Variants in GPR176 observed in about 807,000 individuals in gnomAD.
The protein encoded by GPR176 is G-protein coupled receptor 176.
Under a neutral mutation model 35.4 loss-of-function variants are expected in GPR176, and 26 were observed. That is an observed-to-expected ratio of 0.74 (90% CI 0.54 to 1.02). GPR176 has a LOEUF of 1.02. Among genes scored for constraint, GPR176 ranks in the 50% least tolerant of loss-of-function variants. The probability of loss-of-function intolerance (pLI) is 0.00; values close to 1 mark genes in which losing one functional copy is unlikely to be tolerated. For missense variants in GPR176, 597 were observed against 665.3 expected (o/e 0.90, Z 1.13); for synonymous variants, 278 against 271.3 (o/e 1.02, Z -0.24).
chr15:39,893,754 C>G (rs557472305), intron 1 of GPR176, among the ~76,000 whole-genome samples: 1 of 147,116 alleles, frequency 6.8e-6, no homozygotes, highest in Non-Finnish European at 1.5e-5. Context: ...ACCTCCCTCC[C>G]GGGCGGGGCG....
intron 1 of GPR176, among the ~76,000 whole-genome samples, chr15:39,826,772 G>A (rs554315542): frequency 6.6e-6 from 1 of 152,238 alleles, no homozygotes; most frequent in South Asian, 2.1e-4. Flanking sequence ...AAGCCAGAGG[G>A]GGCCTGAAAA....
chr15:39,890,790 G>A, intron 1 of GPR176, among the ~76,000 whole-genome samples: 1 of 152,168 alleles, frequency 6.6e-6, no homozygotes, highest in South Asian at 2.1e-4. Context: ...ATGGCTCTGG[G>A]CCTGGTAATG....
At chr15:39,856,207 A>T (rs1286104956) in intron 1 of GPR176, among the ~76,000 whole-genome samples, 31 of 152,232 alleles carry the variant, frequency 2.0e-4, no homozygotes, top group Non-Finnish European at 1.3e-4. Flanking sequence ...AACAAAGCAC[A>T]TTCTGACAAT....
intron 1 of GPR176, among the ~76,000 whole-genome samples, chr15:39,822,970 C>A (rs1900377731): frequency 6.6e-6 from 1 of 152,200 alleles, no homozygotes; most frequent in African/African-American, 2.4e-5. Flanking sequence ...ATGACCTTAA[C>A]CAGATCATTC....
chr15:39,831,432 TC>T (rs1433974416), intron 1 of GPR176, among the ~76,000 whole-genome samples: 1 of 152,040 alleles, frequency 6.6e-6, no homozygotes. Context: ...ACAACCCATT[TC>T]CCCATGGATG....
intron 2 of GPR176, among the ~76,000 whole-genome samples, chr15:39,804,089 C>T (rs1002305214): frequency 3.9e-5 from 6 of 152,174 alleles, no homozygotes; most frequent in South Asian, 2.1e-4. Flanking sequence ...AGTTCACTGG[C>T]TCTGACTGCC....
At chr15:39,848,247 T>C (rs980666558) in intron 1 of GPR176, among the ~76,000 whole-genome samples, 1 of 152,196 alleles carries the variant, frequency 6.6e-6, no homozygotes, top group East Asian at 1.9e-4. Flanking sequence ...TATATAGTGA[T>C]AAAAGGGTCA....
intron 1 of GPR176, among the ~76,000 whole-genome samples, chr15:39,917,758 A>T (rs2033764681): frequency 6.6e-6 from 1 of 151,962 alleles, no homozygotes; most frequent in African/African-American, 2.4e-5. Context: ...GGGTAATAGA[A>T]GACTCCCAGC....
intron 1 of GPR176, among the ~76,000 whole-genome samples, chr15:39,876,542 T>C (rs2140844131): frequency 6.6e-6 from 1 of 152,274 alleles, no homozygotes; most frequent in Middle Eastern, 3.4e-3. Flanking sequence ...TTGATGTTTA[T>C]GTTAATGTTT....
chr15:39,900,814 T>C (rs2033255080), intron 1 of GPR176, among the ~76,000 whole-genome samples: 1 of 152,232 alleles, frequency 6.6e-6, no homozygotes, highest in African/African-American at 2.4e-5. Flanking sequence ...AAGTTTCCAA[T>C]TCTATCTTAG....
intron 1 of GPR176, chr15:39,860,915 T>C (rs2031548485): frequency 6.6e-6 from 1 of 152,208 alleles, no homozygotes; most frequent in African/African-American, 2.4e-5. Flanking sequence ...TGGTACCAGG[T>C]GGAAAGCCTA....
chr15:39,842,070 C>T (rs888557713), intron 1 of GPR176, among the ~76,000 whole-genome samples: 2 of 152,048 alleles, frequency 1.3e-5, no homozygotes, highest in Non-Finnish European at 2.9e-5. Flanking sequence ...CCCAAAAATT[C>T]ATATGTTGAA....
intron 1 of GPR176, among the ~76,000 whole-genome samples, chr15:39,883,220 T>C (rs1468844387): frequency 6.6e-6 from 1 of 152,192 alleles, no homozygotes; most frequent in East Asian, 1.9e-4. Flanking sequence ...CAGACTCTAA[T>C]TATAACGAAG....
intron 1 of GPR176, among the ~76,000 whole-genome samples, chr15:39,866,600 G>A (rs1045513720): frequency 5.9e-5 from 9 of 152,054 alleles, no homozygotes; most frequent in South Asian, 4.1e-4. Context: ...TTTTAAGTGA[G>A]TATATTAATG....
At chr15:39,913,427 C>T (rs967971026) in intron 1 of GPR176, among the ~76,000 whole-genome samples, 3 of 152,032 alleles carry the variant, frequency 2.0e-5, no homozygotes, top group Admixed American at 6.6e-5. Flanking sequence ...CACTTGTAGT[C>T]CCATCTATTC....
chr15:39,814,787 TAA>T (rs1416971323), intron 1 of GPR176: 3 of 152,348 alleles, frequency 2.0e-5, no homozygotes, highest in East Asian at 3.9e-4. Flanking sequence ...TGAGAAAGGT[TAA>T]GTTTGTAGCG....
chr15:39,848,915 TAA>T (rs35585820), intron 1 of GPR176, among the ~76,000 whole-genome samples: 7 of 84,844 alleles, frequency 8.3e-5, no homozygotes, highest in East Asian at 3.2e-4. Flanking sequence ...AAAAGCAAAG[TAA>T]AAAAAAAAAA....
chr15:39,854,173 T>G (rs890108259), intron 1 of GPR176, among the ~76,000 whole-genome samples: 1 of 152,126 alleles, frequency 6.6e-6, no homozygotes, highest in Non-Finnish European at 1.5e-5. Flanking sequence ...TTTCCTGAGT[T>G]GCTCAGGAAA....
At chr15:39,892,740 T>C (rs1176081612) in intron 1 of GPR176, among the ~76,000 whole-genome samples, 1 of 152,186 alleles carries the variant, frequency 6.6e-6, no homozygotes, top group African/African-American at 2.4e-5. Context: ...CGCCAAAAGC[T>C]AGGACTGAGG....
Sources: gnomAD v4.1 joint callset for allele counts (sites outside exome capture counted in the v4.1 genomes callset) on GRCh38, gnomAD v4.1.1 for gene constraint, MANE v1.5 for transcripts, NCBI Gene and HGNC (gene_info 2026-07-23, HGNC 2026-07-21) for gene names.